The following LVRN variants were observed in gnomAD, a reference collection of about 807,000 sequenced individuals.
LVRN encodes the protein laeverin, also known as aminopeptidase Q.
LVRN carries 99 observed loss-of-function variants against 111.4 expected under a neutral mutation model. The observed-to-expected ratio is 0.89, with a 90% CI of 0.76 to 1.05. The LOEUF (loss-of-function observed/expected upper bound fraction) is 1.05. Ranked by LOEUF, LVRN falls within the 50% of genes least tolerant of loss-of-function variation. The pLI is 0.00. For synonymous variants in LVRN, 488 were observed against 449.5 expected (o/e 1.09, Z -1.08); for missense variants, 1,414 against 1,206.8 (o/e 1.17, Z -2.54).
intron 2 of LVRN, 145 bp downstream of exon 2, chr5:115,983,574 A>G: frequency 1.1e-6 from 1 of 877,558 alleles, no homozygotes; most frequent in East Asian, 3.1e-5. Context: ...CACCTGGGAT[A>G]TGTGTCAGCA....
intron 18 of LVRN, among the ~76,000 whole-genome samples, chr5:116,020,818 G>A (rs1052132012): frequency 6.6e-6 from 1 of 152,220 alleles, no homozygotes; most frequent in African/African-American, 2.4e-5. Context: ...AGGAGAGGCA[G>A]AAAGGTGAGC....
chr5:115,990,119 A>G (rs535005046), intron 4 of LVRN, among the ~76,000 whole-genome samples: 1 of 152,314 alleles, frequency 6.6e-6, no homozygotes, highest in South Asian at 2.1e-4. Flanking sequence ...TGTACCCCTT[A>G]TATAGAACAG....
At chr5:116,023,843 A>G (rs1508883) in intron 19 of LVRN, among the ~76,000 whole-genome samples, 36,757 of 152,140 alleles carry the variant, frequency 0.24, 5,219 homozygotes, top group Middle Eastern at 0.35. Context: ...AACATGGCAC[A>G]AGCACATCAG....
At chr5:115,995,678 G>C (rs755408523) in intron 6 of LVRN, 9 of 152,184 alleles carry the variant, frequency 5.9e-5, no homozygotes, top group Non-Finnish European at 1.0e-4. Context: ...TGAGTACTTA[G>C]AACTTAAGTG....
intron 13 of LVRN, among the ~76,000 whole-genome samples, chr5:116,008,778 G>T (rs1226166676): frequency 6.6e-6 from 1 of 152,164 alleles, no homozygotes; most frequent in African/African-American, 2.4e-5. Flanking sequence ...TGCAGGAAAA[G>T]GTGCTAGTTT....
chr5:116,026,405 A>T lies in LVRN; in HGVS notation c.*287A>T, dbSNP rs1387011482. 5.0e-6 allele frequency: 2 copies of T among 396,876 alleles called. No homozygotes were observed. Among genetic ancestry groups the T allele is most frequent in the Admixed American group, 8.2e-5 (2 of 24,434 alleles). The allele number at this position is 396,876 out of a possible 1,614,324, so 24.6% of individuals were successfully genotyped here. A position where few individuals can be genotyped will look rare whatever the true frequency, so the allele number is the denominator to read the frequency against. ...ATGTCACGTAAAAACAAATTCACCT[A>T]AGATAGTCTTGCTTATTTTGTTGCG... On this transcript the variant is annotated 3_prime_UTR_variant, in exon 20 of 20. Coordinates refer to ENST00000357872, the MANE Select transcript of LVRN (RefSeq NM_173800.5).
intron 1 of LVRN, among the ~76,000 whole-genome samples, chr5:115,980,970 G>GA (rs1184739300): frequency 6.6e-6 from 1 of 152,070 alleles, no homozygotes; most frequent in Non-Finnish European, 1.5e-5. Flanking sequence ...AGTGGCCTTA[G>GA]AGATCATCTA....
rs745368023 is a variant in LVRN, at chr5:115,962,906, C to T, written c.289C>T (p.Arg97Cys). 6 of 1,613,064 alleles carry T rather than the reference C, an allele frequency of 3.7e-6. No individual in the cohort carries two copies. In the Admixed American group the frequency reaches 5.0e-5, roughly 13 times the overall value. The change falls in exon 1 of 20, where the codon CGC (arginine) becomes TGC (cysteine). Residue 97 changes from arginine to cysteine, a missense_variant. By Grantham distance (180) the Arg-to-Cys change is radical (BLOSUM62 -3). Transcript: ENST00000357872. ...WRPPGPWDQL[R>C]LPPWLVPLHY... ...ACCCCCGGGGCCCTGGGACCAGCTACGCCTGCCGCCCTGGCTCGTGCCGCT... is the reference window on the plus strand; with the variant it reads ...ACCCCCGGGGCCCTGGGACCAGCTATGCCTGCCGCCCTGGCTCGTGCCGCT...
At chr5:116,008,825 A>G (rs1424139588) in intron 13 of LVRN, among the ~76,000 whole-genome samples, 1 of 152,262 alleles carries the variant, frequency 6.6e-6, no homozygotes, top group African/African-American at 2.4e-5. Context: ...GATTAAGGAA[A>G]GAAGCCATCT....
At chr5:115,966,234 A>G (rs1753199313) in intron 1 of LVRN, among the ~76,000 whole-genome samples, 1 of 152,168 alleles carries the variant, frequency 6.6e-6, no homozygotes, top group Admixed American at 6.5e-5. Context: ...ACTCCTAATC[A>G]TCTCTAACCC....
At chr5:115,989,946 C>A (rs1407010468) in intron 4 of LVRN, among the ~76,000 whole-genome samples, 2 of 152,154 alleles carry the variant, frequency 1.3e-5, no homozygotes, top group Admixed American at 1.3e-4. Flanking sequence ...CCCCTACCAG[C>A]ATTTCCCACA....
intron 15 of LVRN, among the ~76,000 whole-genome samples, chr5:116,013,566 G>A (rs1748535134): frequency 6.6e-6 from 1 of 152,134 alleles, no homozygotes; most frequent in South Asian, 2.1e-4. Context: ...GAGAGGGGGT[G>A]AGTAGAGTAT....
rs747239806 is a variant in LVRN at position 116,026,122 on chromosome 5, G to A, written c.*4G>A. On this transcript the variant is annotated 3_prime_UTR_variant, in exon 20 of 20. Transcript: ENST00000357872. Reference sequence around the variant, plus strand: ...GTGGCTAAGGAGAAACACATAGCTTGTGGCTATCTTTCAGCACTCCTCTTG... The same window carrying A: ...GTGGCTAAGGAGAAACACATAGCTTATGGCTATCTTTCAGCACTCCTCTTG... 2.5e-6 allele frequency: 4 copies of A among 1,613,522 alleles called. No homozygotes were observed. Among genetic ancestry groups the A allele is most frequent in the Admixed American group, 3.3e-5 (2 of 59,988 alleles).
intron 2 of LVRN, 86 bp downstream of exon 2, chr5:115,983,515 G>A (rs1747767945): frequency 1.5e-6 from 2 of 1,372,106 alleles, no homozygotes; most frequent in South Asian, 1.7e-5. Context: ...TCTAGGCAGT[G>A]TATTATGGTG....
chr5:116,023,579 C>T (rs1389516869), intron 19 of LVRN: 2 of 152,276 alleles, frequency 1.3e-5, no homozygotes, highest in East Asian at 1.9e-4. Context: ...GAGACAGCCC[C>T]ACCCAAGTCA....
intron 6 of LVRN, among the ~76,000 whole-genome samples, chr5:115,997,875 T>C (rs941139669): frequency 1.3e-5 from 2 of 152,186 alleles, no homozygotes; most frequent in South Asian, 2.1e-4. Flanking sequence ...AGGCCCAGAA[T>C]AGAAAGACCT....
chr5:116,019,740 GGT>G (rs1561570892), intron 18 of LVRN, among the ~76,000 whole-genome samples: 2 of 152,168 alleles, frequency 1.3e-5, no homozygotes, highest in African/African-American at 4.8e-5. Context: ...CCCATAAGGT[GGT>G]ATCTTGCTGG....
At chr5:115,986,373 G>T (rs936607037) in intron 3 of LVRN, among the ~76,000 whole-genome samples, 2 of 152,210 alleles carry the variant, frequency 1.3e-5, no homozygotes, top group African/African-American at 4.8e-5. Context: ...TATCTCAAGT[G>T]CCTTGCTGTG....
chr5:115,967,441 G>A (rs1290973529), intron 1 of LVRN, among the ~76,000 whole-genome samples: 4 of 152,100 alleles, frequency 2.6e-5, no homozygotes, highest in Admixed American at 6.5e-5. Context: ...AAATCAGTTG[G>A]CCCCACTATT....
Sources: gnomAD v4.1 joint callset for allele counts (sites outside exome capture counted in the v4.1 genomes callset) on GRCh38, gnomAD v4.1.1 for gene constraint, MANE v1.5 for transcripts, NCBI Gene and HGNC (gene_info 2026-07-23, HGNC 2026-07-21) for gene names.